VPS35L: variants seen among roughly 807,000 people sequenced by gnomAD.
VPS35L encodes VPS35 endosomal protein-sorting factor-like.
Under a neutral mutation model 133.0 loss-of-function variants are expected in VPS35L, and 83 were observed. The observed-to-expected ratio is 0.62, with a 90% CI of 0.52 to 0.75. VPS35L has a LOEUF of 0.75. Ranked by LOEUF, VPS35L falls within the 30% of genes least tolerant of loss-of-function variation. VPS35L has a pLI of 0.00. For missense variants in VPS35L, 1,083 were observed against 1,206.8 expected (o/e 0.90, Z 1.52); for synonymous variants, 423 against 449.9 (o/e 0.94, Z 0.76).
intron 26 of VPS35L, among the ~76,000 whole-genome samples, chr16:19,663,669 C>CTTTTTTTTTTTTTTTTTTTTTTTTTTTT (rs59826351): frequency 1.6e-5 from 1 of 63,914 alleles, no homozygotes; most frequent in African/African-American, 7.2e-5. Context: ...GCAGTAATTT[C>CTTTTTTTTTTTTTTTTTTTTTTTTTTTT]TTTTTTTTTT....
At chr16:19,573,010 A>AATC (rs1458833484) in intron 3 of VPS35L, 109 bp from the exon 4 acceptor site, 1 of 1,242,686 alleles carries the variant, frequency 8.0e-7, no homozygotes, top group Non-Finnish European at 1.1e-6. Flanking sequence ...CCTTGAGACA[A>AATC]ATCTCTTTTA....
intron 15 of VPS35L, 56 bp from the exon 16 acceptor site, chr16:19,627,638 T>C (rs868153470): frequency 7.3e-7 from 1 of 1,367,222 alleles, no homozygotes; most frequent in Non-Finnish European, 1.0e-6. Flanking sequence ...ATTCAAAAAT[T>C]AAAGCAACTT....
chr16:19,649,596 A>G (rs948216769), intron 24 of VPS35L, among the ~76,000 whole-genome samples: 2 of 152,176 alleles, frequency 1.3e-5, no homozygotes, highest in African/African-American at 4.8e-5. Context: ...ATGTGCGACA[A>G]ACAAATATTC....
At chr16:19,624,026 ACTC>A (rs1279740417) in intron 14 of VPS35L, among the ~76,000 whole-genome samples, 2 of 144,804 alleles carry the variant, frequency 1.4e-5, no homozygotes, top group African/African-American at 2.6e-5. Context: ...CTGGTCTTGA[ACTC>A]CTAAGGTCAA....
In VPS35L at chr16:19,564,089, T is replaced by C. The variant is rs547108455; in HGVS notation, c.18-762T>C. ...CTGTTTATACCTTCAAATATATATA[T>C]ATTTTTTGAGACAGAGTCTCACTCT... is the stretch of plus-strand genomic sequence containing the variant. On this transcript the variant is annotated intron_variant, in intron 1 of 30. Transcript: ENST00000417362. 5.3e-5 allele frequency among the ~76,000 whole-genome samples: 8 copies of C among 152,240 alleles called. No individual in the cohort carries two copies. In the South Asian group the frequency reaches 1.7e-3, roughly 32 times the overall value.
At chr16:19,659,215 C>T (rs1474588481) in intron 26 of VPS35L, among the ~76,000 whole-genome samples, 1 of 152,186 alleles carries the variant, frequency 6.6e-6, no homozygotes, top group East Asian at 1.9e-4. Flanking sequence ...CAATACGCAA[C>T]CTCAAATGAG....
chr16:19,665,773 G>T (rs1315233876), intron 26 of VPS35L, among the ~76,000 whole-genome samples: 1 of 152,172 alleles, frequency 6.6e-6, no homozygotes, highest in Non-Finnish European at 1.5e-5. Context: ...CGTAGTAGTT[G>T]TACTAATTTA....
chr16:19,605,310 T>C (rs1972506730), intron 9 of VPS35L, among the ~76,000 whole-genome samples: 1 of 152,220 alleles, frequency 6.6e-6, no homozygotes, highest in Non-Finnish European at 1.5e-5. Context: ...CTCTGTTCTT[T>C]GTTATATTGA....
chr16:19,578,830 G>A, intron 5 of VPS35L: 1 of 570,272 alleles, frequency 1.8e-6, no homozygotes, highest in Admixed American at 2.9e-5. Flanking sequence ...CCTCTTTGAG[G>A]CTGGCCCACT....
intron 8 of VPS35L, among the ~76,000 whole-genome samples, chr16:19,600,545 C>T (rs922835937): frequency 6.6e-6 from 1 of 152,154 alleles, no homozygotes; most frequent in African/African-American, 2.4e-5. Flanking sequence ...GACCCATGAC[C>T]TACAAAACCT....
intron 29 of VPS35L, among the ~76,000 whole-genome samples, chr16:19,698,762 C>T (rs1976007199): frequency 6.6e-6 from 1 of 152,184 alleles, no homozygotes; most frequent in Admixed American, 6.5e-5. Flanking sequence ...TCCTGAACAG[C>T]AGGTACCCAC....
chr16:19,641,344 G>A (rs1258791985), intron 21 of VPS35L, among the ~76,000 whole-genome samples: 1 of 152,184 alleles, frequency 6.6e-6, no homozygotes, highest in African/African-American at 2.4e-5. Flanking sequence ...TGGGATTACA[G>A]GCATGAGCCA....
At chr16:19,567,498 G>A (rs1169204462) in intron 2 of VPS35L, among the ~76,000 whole-genome samples, 1 of 152,134 alleles carries the variant, frequency 6.6e-6, no homozygotes, top group Non-Finnish European at 1.5e-5. Context: ...ATAAAAATTG[G>A]GGTATTAAGT....
At chr16:19,629,122 T>C (rs1973365245) in intron 17 of VPS35L, among the ~76,000 whole-genome samples, 1 of 152,164 alleles carries the variant, frequency 6.6e-6, no homozygotes, top group Admixed American at 6.5e-5. Context: ...AGTTTTGGCA[T>C]CTGCTCTTTT....
chr16:19,675,672 C>G (rs930422830), intron 27 of VPS35L, among the ~76,000 whole-genome samples: 2 of 152,078 alleles, frequency 1.3e-5, no homozygotes, highest in African/African-American at 2.4e-5. Context: ...GCCTCAGCCT[C>G]CCGAGTAGCT....
At chr16:19,661,198 A>G (rs1226987048) in intron 26 of VPS35L, among the ~76,000 whole-genome samples, 1 of 151,556 alleles carries the variant, frequency 6.6e-6, no homozygotes, top group Non-Finnish European at 1.5e-5. Flanking sequence ...CCTCTTTGTA[A>G]TGGCTGTTTG....
At chr16:19,632,613 T>G (rs1183043321) in intron 18 of VPS35L, among the ~76,000 whole-genome samples, 1 of 152,244 alleles carries the variant, frequency 6.6e-6, no homozygotes, top group East Asian at 1.9e-4. Flanking sequence ...AAAGCCATTC[T>G]TAGCTTGTGG....
At position 19,600,306 on chromosome 16, in the gene VPS35L, T is replaced by A. The variant is rs190757286; in HGVS notation, c.725-1358T>A. Among the ~76,000 whole-genome samples, 21 of 151,012 alleles carry A rather than the reference T, an allele frequency of 1.4e-4. No individual in the cohort carries two copies. In the East Asian group the frequency reaches 3.9e-3, roughly 28 times the overall value. On this transcript the variant is annotated intron_variant, in intron 8 of 30. Coordinates refer to ENST00000417362, the MANE Select transcript of VPS35L (RefSeq NM_020314.7). ...GAGGGAAATACTTTCACATTGAAGG[T>A]GACTTAGGAGAGCTTAGAAAATGAA...
chr16:19,650,456 C>T lies in VPS35L; in HGVS notation c.2103C>T (p.Val701=). 4 of 1,612,846 alleles carry T rather than the reference C, an allele frequency of 2.5e-6. No homozygotes were observed. The highest frequency in any genetic ancestry group is 3.4e-6 in the Non-Finnish European group (4 of 1,178,924). Residue 701 remains valine (V), a synonymous_variant, in exon 25 of 31, where the codon GTC becomes GTT. Transcript: ENST00000417362. ...ATTCCAGAAAGACAGCTGCATTTGT[C>T]CGGGTATGTTCTTAAGATAAGGACT... ...GNHSRKTAAF[V]RACVAYCFIT...
Sources: gnomAD v4.1 joint callset for allele counts (sites outside exome capture counted in the v4.1 genomes callset) on GRCh38, gnomAD v4.1.1 for gene constraint, MANE v1.5 for transcripts, NCBI Gene and HGNC (gene_info 2026-07-23, HGNC 2026-07-21) for gene names.